Variants in PRKAG2 observed in about 807,000 individuals in gnomAD.
PRKAG2 encodes the protein protein kinase AMP-activated non-catalytic subunit gamma 2.
A neutral mutation model predicts 69.6 loss-of-function variants in PRKAG2; 26 were observed. The observed-to-expected ratio is 0.37, with a 90% CI of 0.27 to 0.52. The LOEUF is 0.52. PRKAG2 is among the 20% of genes least tolerant of loss of function. The pLI, the probability that PRKAG2 is intolerant of heterozygous loss-of-function variation, is 0.90. For missense variants in PRKAG2, 557 were observed against 740.0 expected, an observed-to-expected ratio of 0.75 and a Z score of 2.87; for synonymous variants, 293 against 285.0, an observed-to-expected ratio of 1.03 and a Z score of -0.28.
intron 4 of PRKAG2, among the ~76,000 whole-genome samples, chr7:151,634,779 C>T (rs1041306057): frequency 1.3e-5 from 2 of 151,828 alleles, no homozygotes; most frequent in South Asian, 4.2e-4. Context: ...AAGTCATTAG[C>T]CATTATATAA....
intron 9 of PRKAG2, among the ~76,000 whole-genome samples, chr7:151,571,921 G>A (rs78218801): frequency 0.14 from 21,511 of 152,078 alleles, 1,615 homozygotes; most frequent in African/African-American, 0.17. Context: ...TCCTTCAGTT[G>A]GTCCCTCCAT....
intron 1 of PRKAG2, among the ~76,000 whole-genome samples, chr7:151,859,242 C>T (rs1302954761): frequency 4.6e-5 from 7 of 152,354 alleles, no homozygotes; most frequent in East Asian, 1.9e-4. Context: ...GAGAACACTC[C>T]GCGGGGAACG....
At chr7:151,623,440 T>G (rs895046269) in intron 5 of PRKAG2, among the ~76,000 whole-genome samples, 1 of 130,264 alleles carries the variant, frequency 7.7e-6, no homozygotes, top group Admixed American at 8.3e-5. Flanking sequence ...CAGTTCACAA[T>G]AGGGTTCGCG....
intron 5 of PRKAG2, among the ~76,000 whole-genome samples, chr7:151,602,894 C>T (rs981862294): frequency 6.6e-6 from 1 of 152,204 alleles, no homozygotes; most frequent in South Asian, 2.1e-4. Context: ...CCACGAAAGA[C>T]GTGCCTCTTC....
chr7:151,798,446 C>A (rs1318530942), intron 1 of PRKAG2, among the ~76,000 whole-genome samples: 6 of 152,096 alleles, frequency 3.9e-5, no homozygotes, highest in Non-Finnish European at 5.9e-5. Flanking sequence ...TCCCAAGTAG[C>A]TGGGATTACA....
rs1303535089 is a variant in PRKAG2, at chr7:151,850,902, AT to A, written c.114+25604del. 2.0e-5 allele frequency among the ~76,000 whole-genome samples: 3 copies of A among 152,190 alleles called. No homozygotes were observed. The highest frequency in any genetic ancestry group is 3.2e-3 in the Middle Eastern group (1 of 316). ...GACAACACGGAATAAGAAGTCCTCG[AT>A]GAGCCGCCGCAATGTGACCTTAGGC... is the stretch of plus-strand genomic sequence containing the variant. On this transcript the variant is annotated intron_variant, in intron 1 of 15. Coordinates refer to ENST00000287878, the MANE Select transcript of PRKAG2 (RefSeq NM_016203.4). This position sits in a 1 kb window ranked among gnomAD's most constrained non-coding sequence, Gnocchi z 4.1.
chr7:151,792,944 G>A (rs563372580), intron 1 of PRKAG2, among the ~76,000 whole-genome samples: 21 of 152,308 alleles, frequency 1.4e-4, no homozygotes, highest in South Asian at 2.1e-4. Context: ...GGAGGGAGCC[G>A]GGGGCTGAGC....
chr7:151,670,051 T>C (rs896802788), intron 4 of PRKAG2, among the ~76,000 whole-genome samples: 23 of 134,458 alleles, frequency 1.7e-4, no homozygotes, highest in South Asian at 4.9e-4. Flanking sequence ...CACACACCTG[T>C]GCACATACCC....
At chr7:151,675,317 A>G (rs1230038497) in intron 4 of PRKAG2, 103 bp downstream of exon 4, 1 of 1,151,752 alleles carries the variant, frequency 8.7e-7, no homozygotes, top group Non-Finnish European at 1.3e-6. Flanking sequence ...GGAGCACACG[A>G]CCTCAGCCTC....
rs151187952 is a variant in PRKAG2 at position 151,660,274 on chromosome 7, T to C, written c.684+15146A>G. ...TGGACAGATCTTAAGAAGGAAAATC[T>C]CCTTTCTTTCAATCTCCCAGCTTCT... On this transcript the variant is annotated intron_variant, in intron 4 of 15. Coordinates refer to ENST00000287878, the MANE Select transcript of PRKAG2 (RefSeq NM_016203.4). Among the ~76,000 whole-genome samples, 333 of 152,298 alleles carry C rather than the reference T, an allele frequency of 2.2e-3. 2 individuals carry two copies. The highest frequency in any genetic ancestry group is 7.7e-3 in the African/African-American group (320 of 41,558).
intron 5 of PRKAG2, among the ~76,000 whole-genome samples, chr7:151,629,430 G>C (rs1196018173): frequency 6.6e-6 from 1 of 152,186 alleles, no homozygotes; most frequent in Non-Finnish European, 1.5e-5. Context: ...GTCTGCACCT[G>C]TCGGATATAC....
intron 4 of PRKAG2, among the ~76,000 whole-genome samples, chr7:151,658,692 C>T (rs1829871049): frequency 6.6e-6 from 1 of 152,104 alleles, no homozygotes; most frequent in Admixed American, 6.5e-5. Context: ...ATCCCAAGCA[C>T]ATTAATGAAG....
At chr7:151,865,483 C>T (rs780414972) in intron 1 of PRKAG2, among the ~76,000 whole-genome samples, 13 of 152,204 alleles carry the variant, frequency 8.5e-5, no homozygotes, top group Non-Finnish European at 1.3e-4. Context: ...TGACGGCATG[C>T]CCCAGGTTAA....
chr7:151,604,247 G>A (rs545574090), intron 5 of PRKAG2, among the ~76,000 whole-genome samples: 2 of 152,328 alleles, frequency 1.3e-5, no homozygotes, highest in Admixed American at 6.5e-5. Flanking sequence ...TGTCCTGCAT[G>A]CACACAGCCT....
Position 151,780,471 on chromosome 7 carries a change from G to A in PRKAG2, c.466+681C>T, listed in dbSNP as rs1432092563. On this transcript the variant is annotated intron_variant, in intron 3 of 15. Transcript: ENST00000287878. The surrounding 1 kb of genome is among the most constrained non-coding windows in gnomAD (Gnocchi z 4.2). ...AACTGGAAAGAATAGACAAAGGAAA[G>A]GAGAAAGTAAACGCCATAAACTTTC... Among the ~76,000 whole-genome samples the A allele has an allele frequency of 6.6e-6, 1 of 152,210 alleles. No homozygotes were observed. The highest frequency in any genetic ancestry group is 1.9e-4 in the East Asian group (1 of 5,200).
chr7:151,638,596 T>TG lies in PRKAG2; in HGVS notation c.685-6459dup, dbSNP rs1347903929. ...TTGGAGTGAGCCAAGATTGCACCAC[T>TG]GCACTCCAGCTTGGCGACAGAGTGA... On this transcript the variant is annotated intron_variant, in intron 4 of 15. Transcript: ENST00000287878. The surrounding 1 kb of genome is among the most constrained non-coding windows in gnomAD (Gnocchi z 4.3). Among the ~76,000 whole-genome samples the TG allele has an allele frequency of 1.3e-5, 2 of 151,996 alleles. No homozygotes were observed. The highest frequency in any genetic ancestry group is 4.8e-5 in the African/African-American group (2 of 41,366).
At chr7:151,687,519 G>A (rs1178208578) in intron 3 of PRKAG2, among the ~76,000 whole-genome samples, 2 of 152,260 alleles carry the variant, frequency 1.3e-5, no homozygotes, top group East Asian at 3.8e-4. Context: ...AACAGGCATT[G>A]TTTGGTGCTG....
intron 5 of PRKAG2, among the ~76,000 whole-genome samples, chr7:151,606,167 T>C (rs1203732468): frequency 1.3e-5 from 2 of 152,142 alleles, no homozygotes; most frequent in Non-Finnish European, 2.9e-5. Flanking sequence ...ACTTCTGGGA[T>C]TACAGGCGTG....
chr7:151,826,499 A>C (rs1446158125), intron 1 of PRKAG2, among the ~76,000 whole-genome samples: 1 of 151,830 alleles, frequency 6.6e-6, no homozygotes, highest in East Asian at 1.9e-4. Flanking sequence ...CATTAATTTC[A>C]CCCATTTCCT....
Sources: allele counts gnomAD v4.1 joint callset (sites outside exome capture counted in the v4.1 genomes callset), GRCh38; gene constraint gnomAD v4.1.1; non-coding constraint Gnocchi (gnomAD v3.1); transcripts MANE v1.5; gene names NCBI Gene and HGNC (gene_info 2026-07-23, HGNC 2026-07-21).